The following PFKFB1 variants were observed in gnomAD, a reference collection of about 807,000 sequenced individuals.
The protein encoded by PFKFB1 is 6-phosphofructo-2-kinase/fructose-2,6-bisphosphatase 1.
PFKFB1 carries 34 observed loss-of-function variants against 46.4 expected under a neutral mutation model. The observed-to-expected ratio is 0.73, with a 90% confidence interval of 0.56 to 0.98. The LOEUF is 0.98. PFKFB1 is among the 50% of genes least tolerant of loss of function. The pLI, the probability that PFKFB1 is intolerant of heterozygous loss-of-function variation, is 0.00. For synonymous variants in PFKFB1, 119 were observed against 133.8 expected (o/e 0.89, Z 0.76); for missense variants, 393 against 376.3 (o/e 1.04, Z -0.37).
At chrX:54,983,476 T>C (rs1368859609) in intron 1 of PFKFB1, among the ~76,000 whole-genome samples, 5 of 112,025 alleles carry the variant, frequency 4.5e-5, no homozygotes, top group African/African-American at 6.5e-5. Flanking sequence ...CCAGCATCCA[T>C]GTCCCTGCAA....
At position 54,960,851 on chromosome X, in the gene PFKFB1, T is replaced by A. The variant is rs1934289818; in HGVS notation, c.290A>T (p.Asp97Val). The A allele has an allele frequency of 8.4e-7, 1 of 1,187,392 alleles. No homozygotes were observed. The highest frequency in any genetic ancestry group is 1.1e-6 in the Non-Finnish European group (1 of 877,692). ...SYKNYEFFLP[D>V]NMEALQIRKQ... ...CCTGATTTGCAGGGCTTCCATGTTG[T>A]CTGGAAGAAAGAATTCATAGTTCTT... is the stretch of plus-strand genomic sequence containing the variant. The change falls in exon 3 of 14, where the codon GAC (aspartate) becomes GTC (valine). Residue 97 changes from aspartate to valine, a missense_variant. Coordinates refer to ENST00000375006, the MANE Select transcript of PFKFB1 (RefSeq NM_002625.4).
chrX:54,946,623 T>G (rs1047314275), intron 9 of PFKFB1, among the ~76,000 whole-genome samples: 1 of 111,750 alleles, frequency 8.9e-6, no homozygotes, highest in African/African-American at 3.3e-5. Context: ...TGCACCCTAC[T>G]GGGTACACGA....
chrX:54,995,686 T>C (rs928891597), upstream of PFKFB1, among the ~76,000 whole-genome samples: 4 of 112,445 alleles, frequency 3.6e-5, no homozygotes, highest in African/African-American at 9.7e-5. Context: ...CTTAGGACTG[T>C]TGAAGATTCA....
intron 1 of PFKFB1, among the ~76,000 whole-genome samples, chrX:54,973,054 GGT>G (rs1488406020): frequency 9.0e-6 from 1 of 111,415 alleles, no homozygotes; most frequent in African/African-American, 3.3e-5. Context: ...ACTTCTTCCT[GGT>G]TTAGTCTTGG....
At chrX:54,938,634 A>G (rs1240974228) in intron 10 of PFKFB1, among the ~76,000 whole-genome samples, 2 of 111,636 alleles carry the variant, frequency 1.8e-5, no homozygotes, top group Non-Finnish European at 3.8e-5. Context: ...AACAAAGATC[A>G]AAAGAGACAA....
intron 1 of PFKFB1, among the ~76,000 whole-genome samples, chrX:54,976,396 AAAATGAAAATT>A (rs1225553873): frequency 8.9e-6 from 1 of 111,795 alleles, no homozygotes; most frequent in East Asian, 2.8e-4. Flanking sequence ...AATCATTGGG[AAAATGAAAATT>A]AAATGTGTAA....
In PFKFB1 at chrX:54,970,561, G is replaced by C. The variant is rs372520435; in HGVS notation, c.98-7179C>G. 6.1e-3 allele frequency among the ~76,000 whole-genome samples: 412 copies of C among 67,133 alleles called. 14 individuals carry two copies. In the Admixed American group the frequency reaches 0.067, roughly 11 times the overall value. The allele number at this position is 67,133 out of a possible 115,157, so 58.3% of individuals were successfully genotyped here. A position where few individuals can be genotyped will look rare whatever the true frequency, so the allele number is the denominator to read the frequency against. ...TCCATGTGTTCTCATTGTTCAATTT[G>C]CACCTATGAGTGAGAATATGCGGTG... On this transcript the variant is annotated intron_variant, in intron 1 of 13. Coordinates refer to ENST00000375006, the MANE Select transcript of PFKFB1 (RefSeq NM_002625.4).
At position 54,963,178 on chromosome X, in the gene PFKFB1, AC is replaced by A. The variant is rs755301861; in HGVS notation, c.223+78del. 4 of 992,667 alleles carry A rather than the reference AC, an allele frequency of 4.0e-6. No individual in the cohort carries two copies. The East Asian group carries it at 1.2e-4, about 31-fold the overall frequency. The allele number at this position is 992,667 out of a possible 1,213,427, so 81.8% of individuals were successfully genotyped here. A position where few individuals can be genotyped will look rare whatever the true frequency, so the allele number is the denominator to read the frequency against. Reference sequence around the variant, plus strand: ...TGATGGGGCATTTCTGGTATTGAGGACTTTGGCCTTCTACCTAAGTAAGGTT... The same window carrying A: ...TGATGGGGCATTTCTGGTATTGAGGATTTGGCCTTCTACCTAAGTAAGGTT... On this transcript the variant is annotated intron_variant, in intron 2 of 13. Transcript: ENST00000375006.
intron 1 of PFKFB1, among the ~76,000 whole-genome samples, chrX:54,973,237 C>G (rs1934734909): frequency 2.7e-5 from 3 of 111,218 alleles, no homozygotes; most frequent in Non-Finnish European, 5.7e-5. Flanking sequence ...CCCTTTTCCT[C>G]TTTATTAGTC....
chrX:54,938,542 G>A (rs1232435073), intron 10 of PFKFB1, among the ~76,000 whole-genome samples: 1 of 111,334 alleles, frequency 9.0e-6, no homozygotes, highest in Non-Finnish European at 1.9e-5. Flanking sequence ...ATAAAGGGAT[G>A]GAGGAAGATC....
In PFKFB1 at chrX:54,945,456, G is replaced by A. The variant is rs1933774763; in HGVS notation, c.1081C>T (p.Arg361Cys). The A allele has an allele frequency of 8.4e-7, 1 of 1,191,806 alleles. No homozygotes were observed. The highest frequency in any genetic ancestry group is 1.1e-6 in the Non-Finnish European group (1 of 878,977). Residue 361 changes from arginine (R) to cysteine (C), a missense_variant, in exon 10 of 14, where the codon CGC becomes TGC. Physicochemically the swap from Arg to Cys is radical, Grantham distance 180. Transcript: ENST00000375006. The part of the protein sequence containing the change: ...ALRDQDKYRY[R>C]YPKGESYEDL... ...AACCTTACCTCTCCCTTGGGATAGC[G>A]GTAGCGATATTTATCTTGGTCTCGC...
At chrX:54,958,769 G>T in intron 5 of PFKFB1, 82 bp downstream of exon 5, 1 of 637,585 alleles carries the variant, frequency 1.6e-6, no homozygotes. Context: ...GGATTTGGCC[G>T]CTCTGAGTCC....
chrX:54,952,902 A>G (rs1238973232), intron 7 of PFKFB1, among the ~76,000 whole-genome samples: 1 of 110,035 alleles, frequency 9.1e-6, no homozygotes, highest in Non-Finnish European at 1.9e-5. Context: ...GGGGATACAG[A>G]GGTGGTCCAC....
intron 11 of PFKFB1, among the ~76,000 whole-genome samples, chrX:54,935,838 C>G (rs1933371373): frequency 9.0e-6 from 1 of 111,485 alleles, no homozygotes; most frequent in African/African-American, 3.3e-5. Flanking sequence ...CTCCTGACAC[C>G]CACTTTCCTG....
intron 7 of PFKFB1, among the ~76,000 whole-genome samples, chrX:54,953,320 T>A (rs984858336): frequency 2.7e-5 from 3 of 112,161 alleles, no homozygotes; most frequent in Non-Finnish European, 3.8e-5. Flanking sequence ...AGCCTCTCCC[T>A]AGTTCTTCCT....
At chrX:54,969,022 C>A (rs1343200185) in intron 1 of PFKFB1, among the ~76,000 whole-genome samples, 1 of 111,623 alleles carries the variant, frequency 9.0e-6, no homozygotes, top group East Asian at 2.8e-4. Flanking sequence ...TAATATACCA[C>A]AAGAAAGCAC....
intron 8 of PFKFB1, among the ~76,000 whole-genome samples, chrX:54,949,457 C>T (rs1046519891): frequency 2.9e-5 from 3 of 104,918 alleles, no homozygotes; most frequent in Non-Finnish European, 5.9e-5. Context: ...AGAGAGAGAG[C>T]GCTTATTTGA....
At chrX:54,960,084 G>C (rs775773625) in intron 3 of PFKFB1, among the ~76,000 whole-genome samples, 191 bp from the exon 4 acceptor site, 1 of 112,744 alleles carries the variant, frequency 8.9e-6, no homozygotes, top group East Asian at 2.8e-4. Context: ...GTTGAAAGTG[G>C]CTATGTGTGC....
chrX:54,954,521 A>AAAAT (rs1934079358), intron 7 of PFKFB1, among the ~76,000 whole-genome samples: 3 of 112,167 alleles, frequency 2.7e-5, no homozygotes, highest in Non-Finnish European at 3.8e-5. Flanking sequence ...TCAAAAATTA[A>AAAAT]AAATAAATAA....
Sources: gnomAD v4.1 joint callset for allele counts (sites outside exome capture counted in the v4.1 genomes callset) on GRCh38, gnomAD v4.1.1 for gene constraint, MANE v1.5 for transcripts, NCBI Gene and HGNC (gene_info 2026-07-23, HGNC 2026-07-21) for gene names.